The following BRD3 variants were observed in gnomAD, a reference collection of about 807,000 sequenced individuals.
BRD3 encodes bromodomain containing 3, also known as bromodomain-containing protein 3.
BRD3 carries 17 observed loss-of-function variants against 66.8 expected under a neutral mutation model. The observed-to-expected ratio is 0.25, with a 90% CI of 0.17 to 0.38. The LOEUF (loss-of-function observed/expected upper bound fraction) is 0.38. Ranked by LOEUF, BRD3 falls within the 10% of genes least tolerant of loss-of-function variation. The pLI is 1.00. For missense variants in BRD3, 713 were observed against 956.1 expected, an observed-to-expected ratio of 0.75 and a Z score of 3.35; for synonymous variants, 421 against 393.2, an observed-to-expected ratio of 1.07 and a Z score of -0.84.
intron 5 of BRD3, among the ~76,000 whole-genome samples, chr9:134,048,757 C>A (rs1373943226): frequency 6.6e-6 from 1 of 152,170 alleles, no homozygotes; most frequent in Non-Finnish European, 1.5e-5. Flanking sequence ...GGTGGGCTCG[C>A]ACCTCACACC....
At chr9:134,047,542 G>A (rs548433817) in intron 6 of BRD3, among the ~76,000 whole-genome samples, 4 of 152,290 alleles carry the variant, frequency 2.6e-5, no homozygotes, top group East Asian at 1.9e-4. Flanking sequence ...AGAGGCTGCC[G>A]CCTTGAGAAG....
intron 1 of BRD3, among the ~76,000 whole-genome samples, chr9:134,067,516 G>T (rs10993910): frequency 1.4e-5 from 2 of 147,820 alleles, no homozygotes; most frequent in Admixed American, 1.3e-4. Context: ...GTCCTCCCTG[G>T]GTTCCCCCTT....
intron 2 of BRD3, 129 bp downstream of exon 2, chr9:134,053,136 A>C: frequency 9.5e-7 from 1 of 1,047,564 alleles, no homozygotes; most frequent in South Asian, 1.4e-5. Flanking sequence ...TTCCTGAGGC[A>C]CAGGCTGTCC....
intron 1 of BRD3, among the ~76,000 whole-genome samples, chr9:134,061,539 C>T (rs1830544084): frequency 6.6e-6 from 1 of 152,190 alleles, no homozygotes; most frequent in Non-Finnish European, 1.5e-5. Context: ...GGAGGCCTTT[C>T]CCAGGGGCTC....
intron 5 of BRD3, among the ~76,000 whole-genome samples, chr9:134,049,913 C>G (rs907555591): frequency 4.6e-5 from 7 of 152,192 alleles, no homozygotes; most frequent in African/African-American, 1.7e-4. Flanking sequence ...AAGCTCCCAG[C>G]CAAGTGGGGA....
chr9:134,054,693 C>T (rs766300019), intron 1 of BRD3, among the ~76,000 whole-genome samples: 6 of 152,188 alleles, frequency 3.9e-5, no homozygotes, highest in Admixed American at 2.6e-4. Flanking sequence ...CACTTGTAGA[C>T]GCTCGGGGCA....
intron 1 of BRD3, among the ~76,000 whole-genome samples, chr9:134,067,581 C>CG (rs1050949634): frequency 2.7e-4 from 40 of 147,460 alleles, no homozygotes; most frequent in African/African-American, 9.5e-4. Flanking sequence ...TGAGGGAGGG[C>CG]GCGCGGAGGC....
At chr9:134,052,555 C>T in intron 2 of BRD3, 112 bp from the exon 3 acceptor site, 2 of 1,240,826 alleles carry the variant, frequency 1.6e-6, no homozygotes, top group Middle Eastern at 2.1e-4. Flanking sequence ...TGGGGCTGGC[C>T]CAGAGGCACT....
chr9:134,049,000 T>C (rs905328982), intron 5 of BRD3, among the ~76,000 whole-genome samples: 1 of 152,004 alleles, frequency 6.6e-6, no homozygotes, highest in African/African-American at 2.4e-5. Context: ...CCAGGAGGCA[T>C]GAAGCAGCCA....
Position 134,053,153 on chromosome 9 carries a change from T to C in BRD3, c.213+112A>G. 6 of 1,224,190 alleles carry C rather than the reference T, an allele frequency of 4.9e-6. No individual in the cohort carries two copies. The South Asian group carries it at 8.0e-5, about 16-fold the overall frequency. 75.8% of individuals were successfully genotyped at this position (1,224,190 alleles called of 1,614,324 possible). ...CCTGAGGCACAGGCTGTCCCCAGCT[T>C]AGCAGCAAATTCCCAAGGCCAGAGG... is the stretch of plus-strand genomic sequence containing the variant. On this transcript the variant is annotated intron_variant, in intron 2 of 11. Coordinates refer to ENST00000303407, the MANE Select transcript of BRD3 (RefSeq NM_007371.4).
rs540908862 is a variant in BRD3, at chr9:134,030,699, G to C, written c.*2891C>G. 1.3e-5 allele frequency: 3 copies of C among 231,164 alleles called. No individual in the cohort carries two copies. The highest frequency in any genetic ancestry group is 6.6e-5 in the African/African-American group (3 of 45,314). The allele number at this position is 231,164 out of a possible 1,614,324, so 14.3% of individuals were successfully genotyped here. On this transcript the variant is annotated 3_prime_UTR_variant, in exon 12 of 12. Coordinates refer to ENST00000303407, the MANE Select transcript of BRD3 (RefSeq NM_007371.4). ...TCCCAAAAGACTGTCAGAGGCGTGA[G>C]TGCTGCAAAAGAACAACAACAAAAA... is the stretch of plus-strand genomic sequence containing the variant.
chr9:134,050,379 C>T lies in BRD3; in HGVS notation c.709G>A (p.Val237Ile), dbSNP rs1307317898. The change falls in exon 5 of 12, where the codon GTC becomes ATC. Residue 237 changes from valine to isoleucine, a missense_variant. Val to Ile is a conservative substitution (Grantham distance 29). Coordinates refer to ENST00000303407, the MANE Select transcript of BRD3 (RefSeq NM_007371.4). ...VPVVPPTPPV[V>I]KKKGVKRKAD... ...TCCGGACTCAGGGTGCTCACCTTGA[C>T]GACAGGCGGCGTAGGAGGGACCACG... 3 of 1,610,412 alleles carry T rather than the reference C, an allele frequency of 1.9e-6. No homozygotes were observed. The highest frequency in any genetic ancestry group is 2.5e-6 in the Non-Finnish European group (3 of 1,179,452).
At position 134,034,767 on chromosome 9, in the gene BRD3, C is replaced by T. The variant is rs2132377519; in HGVS notation, c.1999G>A (p.Glu667Lys). The T allele has an allele frequency of 6.2e-7, 1 of 1,611,608 alleles. No homozygotes were observed. Among genetic ancestry groups the T allele is most frequent in the East Asian group, 2.2e-5 (1 of 44,880 alleles). ...KEELAQEKKK[E>K]LEKRLQDVSG... Reference sequence around the variant, plus strand: ...ACATCCTGCAGACGCTTTTCCAGCTCCTTCTTCTTTTCCTGAGCTAGCTCC... The same window carrying T: ...ACATCCTGCAGACGCTTTTCCAGCTTCTTCTTCTTTTCCTGAGCTAGCTCC... Residue 667 changes from glutamate (E) to lysine (K), a missense_variant, in exon 11 of 12, where the codon GAG becomes AAG. By Grantham distance (56) the Glu-to-Lys change is moderately conservative. Around this residue, in one of 5 missense-constraint regions of BRD3, gnomAD observed 418 missense variants for 609.3 expected, o/e 0.69. Transcript: ENST00000303407.
chr9:134,036,532 AG>A, intron 9 of BRD3: 1 of 1,607,912 alleles, frequency 6.2e-7, no homozygotes, highest in Non-Finnish European at 8.5e-7. Context: ...ACAATTACAG[AG>A]GTTCGTTCCT....
chr9:134,062,991 G>C (rs1048221864), intron 1 of BRD3, among the ~76,000 whole-genome samples: 1 of 152,160 alleles, frequency 6.6e-6, no homozygotes, highest in African/African-American at 2.4e-5. Context: ...GCATCCATCT[G>C]TCTGCTCCAT....
Position 134,033,546 on chromosome 9 carries a change from C to T in BRD3, c.*44G>A, listed in dbSNP as rs547796842. ...ACCACAGAGGGGTACGGCAGAGTCT[C>T]GGCGTGTGCGACATCCATCTGTCCT... On this transcript the variant is annotated 3_prime_UTR_variant, in exon 12 of 12. Transcript: ENST00000303407. This position sits in a 1 kb window ranked among gnomAD's most constrained non-coding sequence, Gnocchi z 5.1. The T allele has an allele frequency of 1.3e-5, 9 of 708,872 alleles. No individual in the cohort carries two copies. The highest frequency in any genetic ancestry group is 3.0e-5 in the South Asian group (2 of 67,276). The allele number at this position is 708,872 out of a possible 1,614,324, so 43.9% of individuals were successfully genotyped here.
rs764285004 is a variant in BRD3 at position 134,036,051 on chromosome 9, T to C, written c.1917A>G (p.Lys639=). Residue 639 remains lysine (K), a synonymous_variant, in exon 10 of 12, where the codon AAA becomes AAG. Transcript: ENST00000303407. ...LERYVKSCLQ[K]KQRKPFSASG... ...ACTTACAGAACGGTTTCCTTTGCTTTTTCTGTAAACAAGACTTGACATATC... is the reference window on the plus strand; with the variant it reads ...ACTTACAGAACGGTTTCCTTTGCTTCTTCTGTAAACAAGACTTGACATATC... 6.2e-7 allele frequency: 1 copy of C among 1,605,804 alleles called. No homozygotes were observed. Among genetic ancestry groups the C allele is most frequent in the Non-Finnish European group, 8.5e-7 (1 of 1,175,110 alleles).
intron 1 of BRD3, among the ~76,000 whole-genome samples, chr9:134,063,384 TG>T (rs1171676408): frequency 6.6e-6 from 1 of 152,214 alleles, no homozygotes; most frequent in Non-Finnish European, 1.5e-5. Context: ...TCCTGTGGTG[TG>T]GGCAGATGGG....
rs1033560912 is a variant in BRD3 at position 134,031,942 on chromosome 9, C to T, written c.*1648G>A. On this transcript the variant is annotated 3_prime_UTR_variant, in exon 12 of 12. Transcript: ENST00000303407. Reference sequence around the variant, plus strand: ...CAACGCGTGAGCAGGGAGCACCGTGCGAGTCTCCGGGAGGGAATCCTCCTG... The same window carrying T: ...CAACGCGTGAGCAGGGAGCACCGTGTGAGTCTCCGGGAGGGAATCCTCCTG... The T allele has an allele frequency of 2.8e-5, 6 of 216,766 alleles. No individual in the cohort carries two copies. Among genetic ancestry groups the T allele is most frequent in the Middle Eastern group, 1.4e-3 (1 of 738 alleles). 13.4% of individuals were successfully genotyped at this position (216,766 alleles called of 1,614,324 possible). A position where few individuals can be genotyped will look rare whatever the true frequency, so the allele number is the denominator to read the frequency against.
Sources: gnomAD v4.1 joint callset for allele counts (sites outside exome capture counted in the v4.1 genomes callset) on GRCh38, gnomAD v4.1.1 for gene constraint, gnomAD v4.1.1 regional missense constraint, Gnocchi (gnomAD v3.1) non-coding constraint, MANE v1.5 for transcripts, NCBI Gene and HGNC (gene_info 2026-07-23, HGNC 2026-07-21) for gene names.